ATXN7L1: variants seen among roughly 807,000 people sequenced by gnomAD.
ATXN7L1 encodes the protein ataxin 7 like 1, also known as ataxin-7-like protein 1.
A neutral mutation model predicts 70.8 loss-of-function variants in ATXN7L1; 15 were observed. The ratio of observed to expected loss-of-function variants is 0.21; its 90% confidence interval spans 0.14 to 0.33. The LOEUF (loss-of-function observed/expected upper bound fraction) is 0.33. Among genes scored for constraint, ATXN7L1 ranks in the 10% least tolerant of loss-of-function variants. ATXN7L1 has a pLI of 1.00. For synonymous variants in ATXN7L1, 440 were observed against 445.1 expected (o/e 0.99, Z 0.14); for missense variants, 975 against 1,097.1 (o/e 0.89, Z 1.57).
At chr7:105,761,749 T>C (rs1800585505) in intron 3 of ATXN7L1, among the ~76,000 whole-genome samples, 2 of 152,174 alleles carry the variant, frequency 1.3e-5, no homozygotes, top group Non-Finnish European at 2.9e-5. Flanking sequence ...TGAATTCCTA[T>C]ACCTTTTTAA....
chr7:105,687,449 T>C (rs1393742693), intron 3 of ATXN7L1, among the ~76,000 whole-genome samples: 1 of 152,026 alleles, frequency 6.6e-6, no homozygotes, highest in Non-Finnish European at 1.5e-5. Flanking sequence ...TAGGTGTCCT[T>C]AAGAAAAGGA....
In ATXN7L1 at chr7:105,876,413, G is replaced by C; in HGVS notation, c.146C>G (p.Ser49Cys). 6.2e-7 allele frequency: 1 copy of C among 1,612,316 alleles called. No homozygotes were observed. The highest frequency in any genetic ancestry group is 1.7e-5 in the Admixed American group (1 of 59,828). The part of the protein sequence containing the change: ...PEAFLGKPWS[S>C]WIDAAKLHCS... Reference sequence around the variant, plus strand: ...GTGTAATTTGGCGGCGTCGATCCAGGAGGACCAGGGTTTGCCCAGAAACGC... The same window carrying C: ...GTGTAATTTGGCGGCGTCGATCCAGCAGGACCAGGGTTTGCCCAGAAACGC... The change falls in exon 1 of 12, where the codon TCC (serine) becomes TGC (cysteine). Residue 49 changes from serine (S) to cysteine (C), a missense_variant. By Grantham distance (112) the Ser-to-Cys change is moderately radical. This residue lies in a region of ATXN7L1 where 135 missense variants were observed against 132.6 expected (regional missense o/e 1.02). Coordinates refer to ENST00000419735, the MANE Select transcript of ATXN7L1 (RefSeq NM_020725.2).
chr7:105,792,624 G>A (rs1446024986), intron 2 of ATXN7L1, among the ~76,000 whole-genome samples: 1 of 152,202 alleles, frequency 6.6e-6, no homozygotes, highest in Non-Finnish European at 1.5e-5. Context: ...TAAAAACAGT[G>A]GTGAGCTGAA....
At chr7:105,627,126 CATG>C (rs1203913682) in intron 7 of ATXN7L1, among the ~76,000 whole-genome samples, 2 of 152,204 alleles carry the variant, frequency 1.3e-5, no homozygotes, top group Non-Finnish European at 2.9e-5. Flanking sequence ...CCCTCTCCAT[CATG>C]ATAGGACCTC....
intron 3 of ATXN7L1, among the ~76,000 whole-genome samples, chr7:105,671,042 G>A (rs1425829602): frequency 1.3e-5 from 2 of 149,358 alleles, no homozygotes; most frequent in African/African-American, 4.9e-5. Flanking sequence ...GGGAGGCAGA[G>A]CTTGCAGTGA....
chr7:105,833,817 G>A (rs960439266), intron 2 of ATXN7L1, among the ~76,000 whole-genome samples: 1 of 152,094 alleles, frequency 6.6e-6, no homozygotes, highest in African/African-American at 2.4e-5. Context: ...TGAAGAAGAG[G>A]GGGTATAGAT....
intron 4 of ATXN7L1, among the ~76,000 whole-genome samples, chr7:105,650,599 G>A (rs186095360): frequency 6.6e-6 from 1 of 152,334 alleles, no homozygotes; most frequent in East Asian, 1.9e-4. Flanking sequence ...AAGAAAAATG[G>A]GTTAGCAGGG....
At chr7:105,803,150 A>G (rs537003667) in intron 2 of ATXN7L1, among the ~76,000 whole-genome samples, 14 of 152,366 alleles carry the variant, frequency 9.2e-5, no homozygotes, top group South Asian at 8.3e-4. Context: ...ACAGGACTCA[A>G]TGCAACACAC....
intron 9 of ATXN7L1, among the ~76,000 whole-genome samples, chr7:105,618,374 G>A (rs1794237669): frequency 1.3e-5 from 2 of 152,166 alleles, no homozygotes; most frequent in African/African-American, 2.4e-5. Flanking sequence ...CACACACTGG[G>A]CAGTCACTTA....
intron 7 of ATXN7L1, among the ~76,000 whole-genome samples, chr7:105,636,531 A>G (rs1797413381): frequency 1.3e-5 from 2 of 150,144 alleles, no homozygotes; most frequent in South Asian, 2.1e-4. Context: ...TTAACAGAAC[A>G]CAAACAGCTG....
intron 9 of ATXN7L1, among the ~76,000 whole-genome samples, chr7:105,619,526 ATATATTTTTTTTTTTTTTTTTTTTTTTT>A (rs1794590417): frequency 2.4e-4 from 4 of 16,436 alleles, no homozygotes; most frequent in Non-Finnish European, 4.1e-4. Flanking sequence ...ATATATATAT[ATATATTTTTTTTTTTTTTTTTTTTTTTT>A]TTTTTTTTTT....
chr7:105,682,981 A>G lies in ATXN7L1; in HGVS notation c.356-17693T>C, dbSNP rs79155678. The stretch of plus-strand genomic sequence containing the variant: ...ATTTTAAAAAAGCCTGCAGAAAGTA[A>G]GAGCAAGGATAATCTACAGCAGAAC... On this transcript the variant is annotated intron_variant, in intron 3 of 11. Transcript: ENST00000419735. Among the ~76,000 whole-genome samples the G allele has an allele frequency of 8.3e-3, 1,265 of 152,348 alleles. 19 individuals carry two copies. The highest frequency in any genetic ancestry group is 0.029 in the African/African-American group (1,213 of 41,582).
chr7:105,656,659 C>T (rs1204257683), intron 4 of ATXN7L1, among the ~76,000 whole-genome samples: 1 of 150,806 alleles, frequency 6.6e-6, no homozygotes, highest in African/African-American at 2.5e-5. Flanking sequence ...CAACCTCTGC[C>T]TCCCAGATTC....
intron 4 of ATXN7L1, among the ~76,000 whole-genome samples, chr7:105,645,848 CAA>C (rs1798932868): frequency 7.8e-6 from 1 of 128,382 alleles, no homozygotes; most frequent in African/African-American, 2.9e-5. Context: ...AACAAACAAA[CAA>C]ACAGAAATTA....
chr7:105,688,089 C>T (rs779318819), intron 3 of ATXN7L1, among the ~76,000 whole-genome samples: 1 of 152,144 alleles, frequency 6.6e-6, no homozygotes, highest in Non-Finnish European at 1.5e-5. Context: ...TGATTTATAG[C>T]CTTGTTGTTG....
intron 2 of ATXN7L1, among the ~76,000 whole-genome samples, chr7:105,820,535 A>G (rs1421266318): frequency 6.6e-6 from 1 of 152,214 alleles, no homozygotes; most frequent in Non-Finnish European, 1.5e-5. Context: ...TCGGCCATGT[A>G]GCTGCCTTCT....
chr7:105,751,889 T>C (rs937145037), intron 3 of ATXN7L1, among the ~76,000 whole-genome samples: 9 of 152,234 alleles, frequency 5.9e-5, no homozygotes, highest in African/African-American at 2.2e-4. Context: ...AATCTCTTTC[T>C]TATACTGGGC....
chr7:105,669,326 C>G (rs1362649080), intron 3 of ATXN7L1, among the ~76,000 whole-genome samples: 2 of 152,022 alleles, frequency 1.3e-5, no homozygotes, highest in African/African-American at 4.8e-5. Flanking sequence ...AAGTGATCCG[C>G]CTGCTGGGAT....
chr7:105,692,420 T>TC (rs34217556), intron 3 of ATXN7L1, among the ~76,000 whole-genome samples: 59 of 112,014 alleles, frequency 5.3e-4, no homozygotes, highest in South Asian at 9.8e-4. Flanking sequence ...CTTCCTTCCT[T>TC]CCTTCCTCCC....
Sources: allele counts gnomAD v4.1 joint callset (sites outside exome capture counted in the v4.1 genomes callset), GRCh38; gene constraint gnomAD v4.1.1; regional missense constraint gnomAD v4.1.1; transcripts MANE v1.5; gene names NCBI Gene and HGNC (gene_info 2026-07-23, HGNC 2026-07-21).